Variants in AKAP6 observed in about 807,000 individuals in gnomAD.
AKAP6 encodes the protein A-kinase anchoring protein 6, also known as A-kinase anchor protein 6.
A neutral mutation model predicts 188.5 loss-of-function variants in AKAP6; 58 were observed. The ratio of observed to expected loss-of-function variants is 0.31; its 90% CI spans 0.25 to 0.38. The LOEUF (loss-of-function observed/expected upper bound fraction) is 0.38. Ranked by LOEUF, AKAP6 falls within the 10% of genes least tolerant of loss-of-function variation. AKAP6 has a pLI of 1.00. For missense variants in AKAP6, 2,710 were observed against 2,740.0 expected (o/e 0.99, Z 0.24); for synonymous variants, 989 against 998.6 (o/e 0.99, Z 0.18).
At chr14:32,584,096 G>A (rs1220648590) in intron 5 of AKAP6, among the ~76,000 whole-genome samples, 1 of 152,224 alleles carries the variant, frequency 6.6e-6, no homozygotes, top group Admixed American at 6.5e-5. Context: ...GTAGACCGGA[G>A]CTGTTCCTAT....
intron 1 of AKAP6, among the ~76,000 whole-genome samples, chr14:32,414,512 T>C (rs1889593439): frequency 6.6e-6 from 1 of 152,150 alleles, no homozygotes; most frequent in Non-Finnish European, 1.5e-5. Context: ...TATTTATATT[T>C]ATGTCAGAAT....
chr14:32,391,903 G>C (rs933097476), intron 1 of AKAP6, among the ~76,000 whole-genome samples: 1 of 152,170 alleles, frequency 6.6e-6, no homozygotes, highest in African/African-American at 2.4e-5. Context: ...ACTAATATGG[G>C]AGGGAAAAAG....
chr14:32,447,134 A>C (rs997279399), intron 2 of AKAP6, among the ~76,000 whole-genome samples: 1 of 152,156 alleles, frequency 6.6e-6, no homozygotes, highest in African/African-American at 2.4e-5. Flanking sequence ...TCGTCTCTCT[A>C]CTTAAAAAAC....
intron 9 of AKAP6, among the ~76,000 whole-genome samples, chr14:32,698,107 C>T (rs901428385): frequency 2.6e-5 from 4 of 152,044 alleles, no homozygotes; most frequent in African/African-American, 7.2e-5. Flanking sequence ...TATGTGCACT[C>T]CCAAATTATT....
At chr14:32,527,405 T>C (rs113390043) in intron 2 of AKAP6, among the ~76,000 whole-genome samples, 1,646 of 152,020 alleles carry the variant, frequency 0.011, 31 homozygotes, top group African/African-American at 0.036. Context: ...CAATTATGAA[T>C]AAAGCCGCTA....
chr14:32,747,291 A>G (rs900258764), intron 11 of AKAP6, among the ~76,000 whole-genome samples: 4 of 152,202 alleles, frequency 2.6e-5, no homozygotes, highest in African/African-American at 7.2e-5. Flanking sequence ...CATGATTCCT[A>G]CAGGTGCCTG....
At chr14:32,782,349 G>A (rs1200603368) in intron 12 of AKAP6, among the ~76,000 whole-genome samples, 1 of 152,220 alleles carries the variant, frequency 6.6e-6, no homozygotes, top group South Asian at 2.1e-4. Context: ...TCAGGAATAA[G>A]GCAAAGATGT....
intron 2 of AKAP6, among the ~76,000 whole-genome samples, chr14:32,528,338 T>C (rs1882233212): frequency 6.6e-6 from 1 of 151,882 alleles, no homozygotes; most frequent in African/African-American, 2.4e-5. Flanking sequence ...TTGAGTTAAT[T>C]TGTGTTAAGG....
chr14:32,797,259 C>T (rs1208025924), intron 12 of AKAP6, among the ~76,000 whole-genome samples: 1 of 152,144 alleles, frequency 6.6e-6, no homozygotes, highest in Non-Finnish European at 1.5e-5. Flanking sequence ...CCATTTGACC[C>T]AGCAATCCTA....
chr14:32,595,921 A>G (rs916366154), intron 5 of AKAP6, among the ~76,000 whole-genome samples: 6 of 152,164 alleles, frequency 3.9e-5, no homozygotes, highest in Non-Finnish European at 8.8e-5. Flanking sequence ...GTTAACTTTC[A>G]TATCTATAGG....
chr14:32,761,700 T>C (rs190187960), intron 11 of AKAP6, among the ~76,000 whole-genome samples: 4 of 152,296 alleles, frequency 2.6e-5, no homozygotes, highest in Admixed American at 6.5e-5. Flanking sequence ...TGTTATTTCA[T>C]ACCCTTTTGT....
At chr14:32,493,929 G>T (rs1234875243) in intron 2 of AKAP6, among the ~76,000 whole-genome samples, 1 of 152,134 alleles carries the variant, frequency 6.6e-6, no homozygotes, top group Non-Finnish European at 1.5e-5. Context: ...GAGCACTGAG[G>T]AGGGGTCATT....
intron 9 of AKAP6, among the ~76,000 whole-genome samples, chr14:32,725,012 A>C (rs955080932): frequency 3.3e-5 from 5 of 150,184 alleles, no homozygotes; most frequent in African/African-American, 9.8e-5. Context: ...AAAAAAAAAA[A>C]AAAAACAATT....
intron 1 of AKAP6, among the ~76,000 whole-genome samples, chr14:32,394,748 G>A (rs1470643737): frequency 1.3e-5 from 2 of 152,124 alleles, no homozygotes; most frequent in African/African-American, 2.4e-5. Context: ...GCAAAAACAT[G>A]TAGTTTTACC....
At chr14:32,797,094 G>A (rs2033793471) in intron 12 of AKAP6, among the ~76,000 whole-genome samples, 1 of 152,180 alleles carries the variant, frequency 6.6e-6, no homozygotes. Context: ...TCTCACGCCA[G>A]TCAGAATGAC....
At chr14:32,645,270 A>G (rs998924339) in intron 7 of AKAP6, among the ~76,000 whole-genome samples, 4 of 152,164 alleles carry the variant, frequency 2.6e-5, no homozygotes, top group Admixed American at 2.0e-4. Context: ...TTAAAAGAGC[A>G]ACGTAGCACC....
Position 32,721,541 on chromosome 14 carries a change from A to G in AKAP6, c.3001-10913A>G, listed in dbSNP as rs1000500690. Among the ~76,000 whole-genome samples, 10 of 152,184 alleles carry G rather than the reference A, an allele frequency of 6.6e-5. No homozygotes were observed. The East Asian group carries it at 1.9e-3, about 29-fold the overall frequency. On this transcript the variant is annotated intron_variant, in intron 9 of 13. Coordinates refer to ENST00000280979, the MANE Select transcript of AKAP6 (RefSeq NM_004274.5). ...TCATTCTGTACCTCAAATTCAATGA[A>G]ACGCCTCTCTAAAGTAGGATGGATT...
intron 12 of AKAP6, among the ~76,000 whole-genome samples, chr14:32,780,821 A>T (rs1261057262): frequency 1.3e-5 from 2 of 152,196 alleles, no homozygotes; most frequent in Admixed American, 1.3e-4. Context: ...ACTATAATAG[A>T]ATTAGTTTCA....
At position 32,824,716 on chromosome 14, in the gene AKAP6, C is replaced by G; in HGVS notation, c.6903C>G (p.Thr2301=). The part of the protein sequence containing the change: ...AALHPSPKTL[T]CEENLLNLHE... ...TGCATCCCAGCCCCAAAACTTTAAC[C>G]TGTGAAGAAAATCTTCTAAACCTTC... Residue 2301 remains threonine, a synonymous_variant, in exon 13 of 14, where the codon ACC becomes ACG. Coordinates refer to ENST00000280979, the MANE Select transcript of AKAP6 (RefSeq NM_004274.5). 6.2e-7 allele frequency: 1 copy of G among 1,613,618 alleles called. No homozygotes were observed. The highest frequency in any genetic ancestry group is 8.5e-7 in the Non-Finnish European group (1 of 1,179,846).
Sources: gnomAD v4.1 joint callset for allele counts (sites outside exome capture counted in the v4.1 genomes callset) on GRCh38, gnomAD v4.1.1 for gene constraint, MANE v1.5 for transcripts, NCBI Gene and HGNC (gene_info 2026-07-23, HGNC 2026-07-21) for gene names.